KCTD1: variants seen among roughly 807,000 people sequenced by gnomAD.
KCTD1 encodes the protein potassium channel tetramerization domain containing 1.
In KCTD1, 24 loss-of-function variants were observed where a neutral mutation model predicts 66.0. That is an observed-to-expected ratio of 0.36 (90% CI 0.26 to 0.51). The LOEUF is 0.51. Among genes scored for constraint, KCTD1 ranks in the 20% least tolerant of loss-of-function variants. The pLI is 0.95. For synonymous variants in KCTD1, 511 were observed against 517.2 expected (o/e 0.99, Z 0.16); for missense variants, 943 against 1,205.2 (o/e 0.78, Z 3.22).
chr18:26,609,584 T>G (rs1427256571), intron 1 of KCTD1, among the ~76,000 whole-genome samples: 1 of 152,310 alleles, frequency 6.6e-6, no homozygotes, highest in East Asian at 1.9e-4. Context: ...AATAACTGAT[T>G]TCCCCCTCAT....
chr18:26,647,515 A>G (rs1334546952), intron 1 of KCTD1, among the ~76,000 whole-genome samples: 1 of 97,098 alleles, frequency 1.0e-5, no homozygotes, highest in Non-Finnish European at 2.0e-5. Flanking sequence ...GTGAGACTCC[A>G]TCTCAAAAAA....
At chr18:26,511,596 CA>C (rs1983335320) in intron 1 of KCTD1, among the ~76,000 whole-genome samples, 1 of 152,154 alleles carries the variant, frequency 6.6e-6, no homozygotes, top group African/African-American at 2.4e-5. Context: ...AACCTCTGCA[CA>C]ATGTTAGGTA....
intron 1 of KCTD1, chr18:26,543,680 C>T (rs1367179217): frequency 6.6e-6 from 1 of 152,230 alleles, no homozygotes; most frequent in Non-Finnish European, 1.5e-5. Flanking sequence ...GTGTACCAGC[C>T]CCCAAAATCT....
intron 1 of KCTD1, among the ~76,000 whole-genome samples, chr18:26,522,554 A>G (rs1382406165): frequency 2.0e-5 from 3 of 152,180 alleles, no homozygotes; most frequent in Non-Finnish European, 4.4e-5. Flanking sequence ...TAGGAAAATA[A>G]TATAATCTGG....
chr18:26,527,498 G>T (rs867312631), intron 1 of KCTD1, among the ~76,000 whole-genome samples: 1 of 148,760 alleles, frequency 6.7e-6, no homozygotes. Flanking sequence ...AAAAAGGGGG[G>T]GGGGCGTGGG....
At chr18:26,499,911 C>A (rs1982668432) in intron 2 of KCTD1, among the ~76,000 whole-genome samples, 2 of 152,182 alleles carry the variant, frequency 1.3e-5, no homozygotes, top group South Asian at 4.1e-4. Flanking sequence ...TGGACATAGC[C>A]CCCAAATCTG....
chr18:26,527,436 G>A (rs1276984497), intron 1 of KCTD1, among the ~76,000 whole-genome samples: 6 of 141,814 alleles, frequency 4.2e-5, no homozygotes, highest in Non-Finnish European at 7.6e-5. Flanking sequence ...TCAAACAGGT[G>A]AGGCTGAAAA....
At chr18:26,586,364 A>T (rs909917734) in intron 1 of KCTD1, among the ~76,000 whole-genome samples, 3 of 152,186 alleles carry the variant, frequency 2.0e-5, no homozygotes, top group Admixed American at 6.5e-5. Flanking sequence ...AACTTAATCA[A>T]TAAGCGTTGC....
chr18:26,576,292 A>T (rs62085476), intron 1 of KCTD1, among the ~76,000 whole-genome samples: 14,986 of 152,286 alleles, frequency 0.098, 845 homozygotes, highest in Admixed American at 0.15. Context: ...TGCATAGTAC[A>T]TGGTAGGAAT....
At chr18:26,465,821 T>G (rs1311964857) in intron 3 of KCTD1, among the ~76,000 whole-genome samples, 2 of 151,688 alleles carry the variant, frequency 1.3e-5, no homozygotes, top group African/African-American at 4.8e-5. Context: ...GGTGCCGGGG[T>G]GGGGCTGGCT....
At chr18:26,644,149 T>A (rs1987889053), upstream of KCTD1, among the ~76,000 whole-genome samples, 1 of 152,210 alleles carries the variant, frequency 6.6e-6, no homozygotes, top group African/African-American at 2.4e-5. Context: ...ATTTTTTGCC[T>A]TGTATTTCTA....
chr18:26,459,984 C>CTTTAAGGCACAGG, intron 3 of KCTD1, 59 bp from the exon 4 acceptor site: 2 of 1,276,526 alleles, frequency 1.6e-6, no homozygotes, highest in Non-Finnish European at 2.1e-6. Flanking sequence ...CTAAACATGT[C>CTTTAAGGCACAGG]CACATCTAAG....
Position 26,584,192 on chromosome 18 carries a change from T to C in KCTD1, c.-16+44955A>G, listed in dbSNP as rs148075017. On this transcript the variant is annotated intron_variant, in intron 1 of 4. Transcript: ENST00000317932. ...GTGCTGGCAATACCCGGAACAGATA[T>C]TTCTTGGCGTGGATCCACCTGTGTT... 3.2e-3 allele frequency among the ~76,000 whole-genome samples: 484 copies of C among 152,304 alleles called. 3 individuals are homozygous for C. Among genetic ancestry groups the C allele is most frequent in the Non-Finnish European group, 3.2e-3 (216 of 68,018 alleles).
intron 1 of KCTD1, among the ~76,000 whole-genome samples, chr18:26,640,066 C>A (rs1004505058): frequency 1.3e-5 from 2 of 151,976 alleles, no homozygotes; most frequent in African/African-American, 4.8e-5. Flanking sequence ...GCGTGGTGGC[C>A]ACGGCAATGG....
In KCTD1 at chr18:26,532,257, C is replaced by CTTTCTTT. The variant is rs757573584; in HGVS notation, c.1809+14470_1809+14471insAAAGAAA. 4.3e-4 allele frequency among the ~76,000 whole-genome samples: 55 copies of CTTTCTTT among 128,208 alleles called. 5 individuals are homozygous for CTTTCTTT. The highest frequency in any genetic ancestry group is 1.8e-3 in the African/African-American group (52 of 29,670). 84.1% of individuals were successfully genotyped at this position (128,208 alleles called of 152,430 possible). A position where few individuals can be genotyped will look rare whatever the true frequency, so the allele number is the denominator to read the frequency against. ...TATTCTTTTTCTTTTTCTTTTCTTT[C>CTTTCTTT]CTTCTTTTTTTTTTTTTTTTTTTTT... On this transcript the variant is annotated intron_variant, in intron 1 of 4. Transcript: ENST00000580059.
At chr18:26,492,017 A>T (rs1567966348) in intron 2 of KCTD1, among the ~76,000 whole-genome samples, 2 of 152,156 alleles carry the variant, frequency 1.3e-5, no homozygotes, top group Non-Finnish European at 2.9e-5. Context: ...GAAGCCAAGG[A>T]GGATCACTTG....
intron 1 of KCTD1, among the ~76,000 whole-genome samples, chr18:26,571,382 T>A (rs1262557184): frequency 1.3e-5 from 2 of 152,184 alleles, no homozygotes; most frequent in Non-Finnish European, 2.9e-5. Context: ...CATATCTGGT[T>A]ATACAGTTGT....
intron 1 of KCTD1, among the ~76,000 whole-genome samples, chr18:26,611,921 A>G (rs150935335): frequency 1.3e-5 from 2 of 152,310 alleles, no homozygotes; most frequent in East Asian, 1.9e-4. Context: ...AAGATTTGTT[A>G]GGTGGCTCTG....
intron 2 of KCTD1, among the ~76,000 whole-genome samples, chr18:26,484,574 G>C (rs1981819500): frequency 6.6e-6 from 1 of 152,062 alleles, no homozygotes; most frequent in Admixed American, 6.6e-5. Context: ...AAAAATTAGA[G>C]GGTTACATTG....
Sources: allele counts gnomAD v4.1 joint callset (sites outside exome capture counted in the v4.1 genomes callset), GRCh38; gene constraint gnomAD v4.1.1; transcripts MANE v1.5; gene names NCBI Gene and HGNC (gene_info 2026-07-23, HGNC 2026-07-21).